CAMK2D: variants seen among roughly 807,000 people sequenced by gnomAD.
CAMK2D encodes the protein calcium/calmodulin dependent protein kinase II delta.
Under a neutral mutation model 84.0 loss-of-function variants are expected in CAMK2D, and 37 were observed. That is an observed-to-expected ratio of 0.44 (90% CI 0.34 to 0.58). The LOEUF (loss-of-function observed/expected upper bound fraction) is 0.58, where lower values mean the gene tolerates loss of function less well. Ranked by LOEUF, CAMK2D falls within the 20% of genes least tolerant of loss-of-function variation. The probability of loss-of-function intolerance (pLI) is 0.02; values close to 1 mark genes in which losing one functional copy is unlikely to be tolerated. For synonymous variants in CAMK2D, 202 were observed against 212.5 expected, an observed-to-expected ratio of 0.95 and a Z score of 0.43; for missense variants, 448 against 652.5, an observed-to-expected ratio of 0.69 and a Z score of 3.41.
chr4:113,532,816 CTCAGTGTCACCCTTGATACTACTTTT>C (rs1387665910), intron 7 of CAMK2D, among the ~76,000 whole-genome samples: 1 of 152,158 alleles, frequency 6.6e-6, no homozygotes, highest in African/African-American at 2.4e-5. Flanking sequence ...AAATGGCCTT[CTCAGTGTCACCCTTGATACTACTTTT>C]TCTGTTCCTT....
chr4:113,725,394 AT>A (rs1277329902), intron 2 of CAMK2D, among the ~76,000 whole-genome samples: 2 of 152,128 alleles, frequency 1.3e-5, no homozygotes, highest in Admixed American at 6.6e-5. Context: ...AGCCTATCGA[AT>A]TTTATTAATG....
intron 2 of CAMK2D, among the ~76,000 whole-genome samples, chr4:113,693,021 T>C (rs568826884): frequency 6.6e-6 from 1 of 152,298 alleles, no homozygotes; most frequent in East Asian, 1.9e-4. Flanking sequence ...AGGAAGTCAT[T>C]ATGTTCCCTC....
intron 6 of CAMK2D, among the ~76,000 whole-genome samples, chr4:113,544,013 G>C (rs947896494): frequency 6.6e-6 from 1 of 151,960 alleles, no homozygotes; most frequent in Admixed American, 6.6e-5. Context: ...GGATGGTCTC[G>C]ATCTCCTGAC....
chr4:113,703,171 C>T (rs550204558), intron 2 of CAMK2D, among the ~76,000 whole-genome samples: 1 of 152,218 alleles, frequency 6.6e-6, no homozygotes, highest in Admixed American at 6.5e-5. Context: ...TATGAGAATA[C>T]AGATTTAATA....
chr4:113,610,029 C>CT (rs1011862010), intron 3 of CAMK2D, among the ~76,000 whole-genome samples: 1,488 of 145,724 alleles, frequency 0.01, 14 homozygotes, highest in African/African-American at 0.033. Flanking sequence ...AGAGTGAATT[C>CT]TTTTTTTTTT....
Position 113,709,746 on chromosome 4 carries a change from G to GATATATACATATATATATATAT in CAMK2D, c.161-47975_161-47974insATATATATATATATGTATATAT, listed in dbSNP as rs1298341709. On this transcript the variant is annotated intron_variant, in intron 2 of 20. Coordinates refer to ENST00000511664, the MANE Select transcript of CAMK2D (RefSeq NM_001321571.2). Reference sequence around the variant, plus strand: ...GAGTGAAAAGCTAAAAGCCGTGAACGATATATATATATATATATATATATA... The same window carrying GATATATACATATATATATATAT: ...GAGTGAAAAGCTAAAAGCCGTGAACGATATATACATATATATATATATATATATATATATATATATATATATA... Among the ~76,000 whole-genome samples the GATATATACATATATATATATAT allele has an allele frequency of 1.6e-3, 79 of 49,804 alleles. 5 individuals carry two copies. The highest frequency in any genetic ancestry group is 8.4e-3 in the African/African-American group (75 of 8,926). The allele number at this position is 49,804 out of a possible 152,430, so 32.7% of individuals were successfully genotyped here. A position where few individuals can be genotyped will look rare whatever the true frequency, so the allele number is the denominator to read the frequency against.
intron 12 of CAMK2D, 49 bp downstream of exon 12, chr4:113,513,279 C>T: frequency 6.3e-7 from 1 of 1,592,890 alleles, no homozygotes; most frequent in Non-Finnish European, 8.6e-7. Context: ...ACAGAGACTA[C>T]TTAAAAAGAA....
chr4:113,623,200 T>C (rs1345139602), intron 3 of CAMK2D, among the ~76,000 whole-genome samples: 1 of 152,232 alleles, frequency 6.6e-6, no homozygotes. Context: ...TTTTTTTCAG[T>C]GACTATGCAT....
At chr4:113,491,552 T>G (rs2097844303) in intron 16 of CAMK2D, among the ~76,000 whole-genome samples, 1 of 152,000 alleles carries the variant, frequency 6.6e-6, no homozygotes, top group African/African-American at 2.4e-5. Flanking sequence ...TGCCAGTATT[T>G]TATTGAGGAT....
At chr4:113,483,706 G>C (rs368926466) in intron 16 of CAMK2D, among the ~76,000 whole-genome samples, 1 of 151,832 alleles carries the variant, frequency 6.6e-6, no homozygotes, top group African/African-American at 2.4e-5. Context: ...GTGCCTGGCC[G>C]TATTTATTTT....
At chr4:113,681,177 A>T (rs894767497) in intron 2 of CAMK2D, among the ~76,000 whole-genome samples, 4 of 152,168 alleles carry the variant, frequency 2.6e-5, no homozygotes, top group African/African-American at 9.7e-5. Context: ...TAAAAAGTAA[A>T]AAATGAGATA....
intron 3 of CAMK2D, among the ~76,000 whole-genome samples, chr4:113,650,342 A>G (rs1041792993): frequency 6.6e-6 from 1 of 150,840 alleles, no homozygotes; most frequent in Non-Finnish European, 1.5e-5. Context: ...ACATGGTGAA[A>G]CCCCATCTCT....
chr4:113,705,839 G>T (rs1477624385), intron 2 of CAMK2D, among the ~76,000 whole-genome samples: 1 of 152,138 alleles, frequency 6.6e-6, no homozygotes, highest in Non-Finnish European at 1.5e-5. Flanking sequence ...CATCAAGAAT[G>T]CAAAGAAGAA....
chr4:113,567,727 T>C (rs538728415), intron 4 of CAMK2D, among the ~76,000 whole-genome samples: 1 of 152,344 alleles, frequency 6.6e-6, no homozygotes, highest in African/African-American at 2.4e-5. Context: ...AAGAATAACT[T>C]AACTTCTCTG....
At chr4:113,701,326 G>C (rs1458868713) in intron 2 of CAMK2D, among the ~76,000 whole-genome samples, 1 of 152,058 alleles carries the variant, frequency 6.6e-6, no homozygotes, top group Admixed American at 6.6e-5. Flanking sequence ...TCAACAATTG[G>C]AATGCTATTC....
chr4:113,540,093 G>T (rs2098520273), intron 6 of CAMK2D, among the ~76,000 whole-genome samples: 1 of 152,034 alleles, frequency 6.6e-6, no homozygotes, highest in Non-Finnish European at 1.5e-5. Flanking sequence ...GATTGTGTGG[G>T]AGGCTTAATC....
intron 3 of CAMK2D, among the ~76,000 whole-genome samples, chr4:113,627,293 T>C (rs1053778155): frequency 6.6e-6 from 1 of 152,202 alleles, no homozygotes; most frequent in Non-Finnish European, 1.5e-5. Context: ...CATTTCACTG[T>C]AATAAATTTT....
At chr4:113,629,518 T>C (rs2099081006) in intron 3 of CAMK2D, among the ~76,000 whole-genome samples, 1 of 151,972 alleles carries the variant, frequency 6.6e-6, no homozygotes, top group Non-Finnish European at 1.5e-5. Flanking sequence ...AAAACATAAG[T>C]TACAGAAAAC....
At chr4:113,742,752 A>T (rs1290073416) in intron 2 of CAMK2D, among the ~76,000 whole-genome samples, 1 of 152,204 alleles carries the variant, frequency 6.6e-6, no homozygotes, top group Non-Finnish European at 1.5e-5. Flanking sequence ...ATAGGAATGT[A>T]AGCAAGGCAC....
Sources: gnomAD v4.1 joint callset for allele counts (sites outside exome capture counted in the v4.1 genomes callset) on GRCh38, gnomAD v4.1.1 for gene constraint, MANE v1.5 for transcripts, NCBI Gene and HGNC (gene_info 2026-07-23, HGNC 2026-07-21) for gene names.